The following CMYA5 variants were observed in gnomAD, a reference collection of about 807,000 sequenced individuals.
CMYA5 encodes the protein cardiomyopathy-associated protein 5.
A neutral mutation model predicts 318.9 loss-of-function variants in CMYA5; 246 were observed. The ratio of observed to expected loss-of-function variants is 0.77; its 90% CI spans 0.70 to 0.86. The LOEUF (loss-of-function observed/expected upper bound fraction) is 0.86. Among genes scored for constraint, CMYA5 ranks in the 40% least tolerant of loss-of-function variants. CMYA5 has a pLI of 0.00. For missense variants in CMYA5, 4,589 were observed against 4,678.2 expected (o/e 0.98, Z 0.56); for synonymous variants, 1,641 against 1,729.5 (o/e 0.95, Z 1.27).
Position 79,729,667 on chromosome 5 carries a change from C to T in CMYA5, c.902C>T (p.Pro301Leu). ...SIEDKVKEVF[P>L]PWRGALSKGS... is the part of the protein sequence containing the mutation. ...GAGGATAAAGTAAAAGAGGTTTTTC[C>T]ACCCTGGAGAGGCGCACTCTCCAAA... Residue 301 changes from proline (P) to leucine (L), a missense_variant, in exon 2 of 13, where the codon CCA becomes CTA. Pro to Leu is a moderately conservative substitution (Grantham distance 98). Coordinates refer to ENST00000446378, the MANE Select transcript of CMYA5 (RefSeq NM_153610.5). The T allele has an allele frequency of 6.2e-7, 1 of 1,613,302 alleles. No individual in the cohort carries two copies. Among genetic ancestry groups the T allele is most frequent in the Non-Finnish European group, 8.5e-7 (1 of 1,179,702 alleles).
At chr5:79,777,796 A>T (rs201798077) in intron 9 of CMYA5, among the ~76,000 whole-genome samples, 26 of 150,932 alleles carry the variant, frequency 1.7e-4, no homozygotes, top group Admixed American at 7.9e-4. Flanking sequence ...ATAAAAATAA[A>T]TTTTTTTTTA....
chr5:79,758,564 A>C (rs1828577292), intron 6 of CMYA5, among the ~76,000 whole-genome samples, 189 bp from the exon 7 acceptor site: 1 of 151,808 alleles, frequency 6.6e-6, no homozygotes, highest in Non-Finnish European at 1.5e-5. Flanking sequence ...ATTAAAGTTA[A>C]AATTAAAATA....
chr5:79,728,381 A>T (rs1435710880), intron 1 of CMYA5, among the ~76,000 whole-genome samples: 1 of 151,276 alleles, frequency 6.6e-6, no homozygotes, highest in Non-Finnish European at 1.5e-5. Flanking sequence ...AGGGGGTGGC[A>T]TACTGAGCTG....
Position 79,791,125 on chromosome 5 carries a change from G to A in CMYA5, c.11789+56G>A, listed in dbSNP as rs867702567. On this transcript the variant is annotated intron_variant, in intron 11 of 12. Coordinates refer to ENST00000446378, the MANE Select transcript of CMYA5 (RefSeq NM_153610.5). ...GATGGCCCAGCAGTAGGGTCTTAGG[G>A]TGTGTCGCCTCAGGGTGGCCTCCGC... 3.2e-6 allele frequency: 4 copies of A among 1,259,694 alleles called. No individual in the cohort carries two copies. The Middle Eastern group carries it at 6.9e-4, about 218-fold the overall frequency. 78.0% of individuals were successfully genotyped at this position (1,259,694 alleles called of 1,614,324 possible).
At chr5:79,794,124 C>T (rs1403370331) in intron 12 of CMYA5, among the ~76,000 whole-genome samples, 1 of 152,182 alleles carries the variant, frequency 6.6e-6, no homozygotes, top group Non-Finnish European at 1.5e-5. Flanking sequence ...CCAACACCTC[C>T]CTCCACATTG....
chr5:79,724,729 A>C (rs1320052284), intron 1 of CMYA5, among the ~76,000 whole-genome samples: 1 of 152,172 alleles, frequency 6.6e-6, no homozygotes, highest in Non-Finnish European at 1.5e-5. Context: ...TATGGTGACC[A>C]TTTCTCTTCT....
In CMYA5 at chr5:79,738,896, G is replaced by T; in HGVS notation, c.10131G>T (p.Val3377=). Residue 3377 remains valine (V), a synonymous_variant, in exon 2 of 13, where the codon GTG becomes GTT. Coordinates refer to ENST00000446378, the MANE Select transcript of CMYA5 (RefSeq NM_153610.5). ...PEVNLNVPVQ[V]SFPEEEFASG... ...TCAATCTGAATGTCCCAGTACAAGTGTCCTTCCCGGAGGAAGAATTTGCAT... is the reference window on the plus strand; with the variant it reads ...TCAATCTGAATGTCCCAGTACAAGTTTCCTTCCCGGAGGAAGAATTTGCAT... 1.2e-6 allele frequency: 2 copies of T among 1,613,890 alleles called. No individual in the cohort carries two copies. Among genetic ancestry groups the T allele is most frequent in the Non-Finnish European group, 8.5e-7 (1 of 1,179,856 alleles).
chr5:79,753,607 A>AC (rs36190825), intron 6 of CMYA5, among the ~76,000 whole-genome samples: 1 of 151,822 alleles, frequency 6.6e-6, no homozygotes, highest in Non-Finnish European at 1.5e-5. Flanking sequence ...AACAACAACA[A>AC]AAAACCCCAA....
At chr5:79,703,520 C>T (rs1827211940) in intron 1 of CMYA5, among the ~76,000 whole-genome samples, 1 of 152,172 alleles carries the variant, frequency 6.6e-6, no homozygotes, top group Admixed American at 6.5e-5. Flanking sequence ...AATTTAATTC[C>T]TTCTAAAGCC....
At chr5:79,739,554 A>C (rs1204981855) in intron 2 of CMYA5, among the ~76,000 whole-genome samples, 151 bp downstream of exon 2, 2 of 152,154 alleles carry the variant, frequency 1.3e-5, no homozygotes, top group African/African-American at 4.8e-5. Context: ...TTCTCCAAGA[A>C]TTTAGTTAAG....
intron 8 of CMYA5, 199 bp downstream of exon 8, chr5:79,762,156 G>A: frequency 1.9e-6 from 1 of 516,472 alleles, no homozygotes; most frequent in Non-Finnish European, 3.3e-6. Context: ...GAAAAACAGA[G>A]GATCATAGAA....
chr5:79,745,276 A>T lies in CMYA5; in HGVS notation c.10789A>T (p.Lys3597Ter), dbSNP rs185458523. The T allele has an allele frequency of 1.1e-3, 1,831 of 1,611,718 alleles. 2 individuals are homozygous for T. The highest frequency in any genetic ancestry group is 1.4e-3 in the Non-Finnish European group (1,619 of 1,178,786). ...AGAAGAACAGAATGAGGAAATGATG[A>T]AGAAGGTTTTAGCACAGTATGATGA... ...RLEEQNEEMM[K>*]KVLAQYDEKA... The change falls in exon 4 of 13, where the codon AAG (lysine) becomes TAG (stop). Residue 3597 changes from lysine to a stop codon, truncating the protein, a stop_gained. Transcript: ENST00000446378. LOFTEE classifies it high-confidence loss of function.
At chr5:79,714,656 T>C (rs971304186) in intron 1 of CMYA5, among the ~76,000 whole-genome samples, 2 of 152,026 alleles carry the variant, frequency 1.3e-5, no homozygotes, top group African/African-American at 4.8e-5. Flanking sequence ...CTTGGGCTGG[T>C]CTTAAACTCC....
intron 1 of CMYA5, among the ~76,000 whole-genome samples, chr5:79,700,954 T>C (rs1445637078): frequency 1.3e-5 from 2 of 151,662 alleles, no homozygotes; most frequent in African/African-American, 2.4e-5. Flanking sequence ...GGTACAAATA[T>C]ACACTTAGGG....
At position 79,799,398 on chromosome 5, in the gene CMYA5, A is replaced by G; in HGVS notation, c.11992A>G (p.Ser3998Gly). Reference protein sequence around the residue: ...RYTFFYSGIVSDVHVTERPAR... With the variant: ...RYTFFYSGIVGDVHVTERPAR... Reference sequence around the variant, plus strand: ...CACATTTTTCTACAGTGGTATTGTGAGTGATGTTCATGTGACTGAGCGTCC... The same window carrying G: ...CACATTTTTCTACAGTGGTATTGTGGGTGATGTTCATGTGACTGAGCGTCC... Residue 3998 changes from serine (S) to glycine (G), a missense_variant, in exon 13 of 13, where the codon AGT (serine) becomes GGT (glycine). By Grantham distance (56) the Ser-to-Gly change is moderately conservative (BLOSUM62 0). Coordinates refer to ENST00000446378, the MANE Select transcript of CMYA5 (RefSeq NM_153610.5). 1.2e-6 allele frequency: 2 copies of G among 1,612,140 alleles called. No individual in the cohort carries two copies. Among genetic ancestry groups the G allele is most frequent in the Non-Finnish European group, 1.7e-6 (2 of 1,178,382 alleles).
rs543136916 is a variant in CMYA5, at chr5:79,739,244, T to C, written c.10479T>C (p.Ser3493=). 4.3e-6 allele frequency: 7 copies of C among 1,612,806 alleles called. No individual in the cohort carries two copies. Among genetic ancestry groups the C allele is most frequent in the African/African-American group, 1.3e-5 (1 of 75,010 alleles). ...GGAAAGAAGAAGACCAATTATCATC[T>C]GAGGTAGTAACTGAAAAGGCACAAA... ...SERKEEDQLS[S]EVVTEKAQKE... is the part of the protein sequence containing the mutation. Residue 3493 remains serine, a synonymous_variant, in exon 2 of 13, where the codon TCT becomes TCC. Transcript: ENST00000446378.
Position 79,763,170 on chromosome 5 carries a change from A to C in CMYA5, c.11516A>C (p.Glu3839Ala), listed in dbSNP as rs770999331. The C allele has an allele frequency of 6.2e-7, 1 of 1,611,748 alleles. No individual in the cohort carries two copies. Among genetic ancestry groups the C allele is most frequent in the African/African-American group, 1.3e-5 (1 of 74,962 alleles). The part of the protein sequence containing the change: ...TPEATETYTL[E>A]YCRQHSPEGE... Reference sequence around the variant, plus strand: ...GAGGCCACGGAGACCTACACTCTGGAGTACTGCAGACAGCACTCTCCTGAG... The same window carrying C: ...GAGGCCACGGAGACCTACACTCTGGCGTACTGCAGACAGCACTCTCCTGAG... The change falls in exon 9 of 13, where the codon GAG becomes GCG. Residue 3839 changes from glutamate to alanine, a missense_variant. By Grantham distance (107) the Glu-to-Ala change is moderately radical (BLOSUM62 -1). Transcript: ENST00000446378.
intron 5 of CMYA5, among the ~76,000 whole-genome samples, chr5:79,751,452 G>A (rs1828429269): frequency 6.6e-6 from 1 of 152,028 alleles, no homozygotes; most frequent in Admixed American, 6.6e-5. Context: ...CCTCTTTGAA[G>A]CCCCTCTGGA....
intron 9 of CMYA5, among the ~76,000 whole-genome samples, chr5:79,771,566 G>A (rs560746862): frequency 3.5e-4 from 53 of 152,304 alleles, no homozygotes; most frequent in African/African-American, 1.2e-3. Context: ...AGACCTAGTA[G>A]CCATCTCACT....
Sources: gnomAD v4.1 joint callset for allele counts (sites outside exome capture counted in the v4.1 genomes callset) on GRCh38, gnomAD v4.1.1 for gene constraint, MANE v1.5 for transcripts, NCBI Gene and HGNC (gene_info 2026-07-23, HGNC 2026-07-21) for gene names.